FGFR1OP2: variants seen among roughly 807,000 people sequenced by gnomAD.
FGFR1OP2 encodes the protein FGFR1 oncogene partner 2.
Under a neutral mutation model 35.2 loss-of-function variants are expected in FGFR1OP2, and 17 were observed. The ratio of observed to expected loss-of-function variants is 0.48; its 90% CI spans 0.33 to 0.73. The LOEUF (loss-of-function observed/expected upper bound fraction) is 0.73, where lower values mean the gene tolerates loss of function less well. Ranked by LOEUF, FGFR1OP2 falls within the 30% of genes least tolerant of loss-of-function variation. The pLI is 0.02. For synonymous variants in FGFR1OP2, 105 were observed against 104.6 expected (o/e 1.00, Z -0.03); for missense variants, 251 against 307.3 (o/e 0.82, Z 1.37).
intron 1 of FGFR1OP2, among the ~76,000 whole-genome samples, chr12:26,943,563 A>G (rs1938771302): frequency 6.6e-6 from 1 of 152,094 alleles, no homozygotes; most frequent in Admixed American, 6.5e-5. Context: ...AGTGGCTCAC[A>G]CCTGTAATCC....
chr12:26,959,842 T>C (rs1314067497), intron 4 of FGFR1OP2, among the ~76,000 whole-genome samples: 2 of 152,078 alleles, frequency 1.3e-5, no homozygotes, highest in Non-Finnish European at 2.9e-5. Flanking sequence ...GGGTTAGTTA[T>C]GGGAAATAAT....
rs1939060736 is a variant in FGFR1OP2 at position 26,958,743 on chromosome 12, A to AT, written c.396+1004dup. Among the ~76,000 whole-genome samples the AT allele has an allele frequency of 2.0e-5, 3 of 152,292 alleles. 1 individual carries two copies. Among genetic ancestry groups the AT allele is most frequent in the African/African-American group, 7.2e-5 (3 of 41,558 alleles). ...GGTATGTCCCCATATTTTATGGCAT[A>AT]TTTTATGGCAACTGCTATGAAGACA... On this transcript the variant is annotated intron_variant, in intron 4 of 6. Coordinates refer to ENST00000229395, the MANE Select transcript of FGFR1OP2 (RefSeq NM_015633.3).
At chr12:26,943,686 G>A (rs775714598) in intron 1 of FGFR1OP2, among the ~76,000 whole-genome samples, 16 of 152,098 alleles carry the variant, frequency 1.1e-4, no homozygotes, top group Non-Finnish European at 2.1e-4. Context: ...TTAGCTGGGC[G>A]TGGTGGCGCA....
intron 1 of FGFR1OP2, among the ~76,000 whole-genome samples, chr12:26,949,583 G>C (rs952933850): frequency 6.6e-6 from 1 of 150,970 alleles, no homozygotes; most frequent in African/African-American, 2.4e-5. Flanking sequence ...TCTGTTTGAG[G>C]TTTTTTTTGT....
intron 1 of FGFR1OP2, 139 bp from the exon 2 acceptor site, chr12:26,954,006 C>A: frequency 3.9e-6 from 2 of 508,686 alleles, no homozygotes; most frequent in African/African-American, 2.0e-5. Flanking sequence ...CCACAGTGTT[C>A]TTAGGTGTTT....
chr12:26,946,591 C>T (rs1938825820), intron 1 of FGFR1OP2, among the ~76,000 whole-genome samples: 2 of 152,282 alleles, frequency 1.3e-5, no homozygotes, highest in Admixed American at 6.5e-5. Flanking sequence ...ATTATATGGG[C>T]GTGGGCCACT....
At chr12:26,949,609 G>A (rs980356469) in intron 1 of FGFR1OP2, among the ~76,000 whole-genome samples, 16 of 151,682 alleles carry the variant, frequency 1.1e-4, no homozygotes, top group African/African-American at 3.9e-4. Flanking sequence ...ACAGAGTTTT[G>A]CTCTTGTTGC....
At chr12:26,954,349 T>C in intron 2 of FGFR1OP2, 56 bp downstream of exon 2, 3 of 1,534,056 alleles carry the variant, frequency 2.0e-6, no homozygotes, top group Non-Finnish European at 2.6e-6. Flanking sequence ...TTGACATTTA[T>C]GTATTGCTGG....
chr12:26,938,954 C>T (rs1162095853), intron 1 of FGFR1OP2, among the ~76,000 whole-genome samples: 2 of 152,226 alleles, frequency 1.3e-5, no homozygotes, highest in Non-Finnish European at 2.9e-5. Context: ...TTGGCTCTAA[C>T]CCTGTGGACA....
In FGFR1OP2 at chr12:26,963,583, A is replaced by G. The variant is rs371948627; in HGVS notation, c.624+128A>G. The G allele has an allele frequency of 2.6e-5, 15 of 566,220 alleles. 1 individual carries two copies. Among genetic ancestry groups the G allele is most frequent in the African/African-American group, 1.7e-4 (9 of 52,256 alleles). 35.1% of individuals were successfully genotyped at this position (566,220 alleles called of 1,614,324 possible). On this transcript the variant is annotated intron_variant, in intron 6 of 6. Transcript: ENST00000229395. ...GGTAATGTTCTCCTGGATGCTGTCT[A>G]TGTGGGCATATTATGCAAGACCATT...
Position 26,965,393 on chromosome 12 carries a change from A to G in FGFR1OP2, c.*660A>G, listed in dbSNP as rs745852693. On this transcript the variant is annotated 3_prime_UTR_variant, in exon 7 of 7. Coordinates refer to ENST00000229395, the MANE Select transcript of FGFR1OP2 (RefSeq NM_015633.3). ...TCAGGAATGAAAAAGAAGGAATACTACTTTCTAAGAAAGAAGATCTTATAA... is the reference window on the plus strand; with the variant it reads ...TCAGGAATGAAAAAGAAGGAATACTGCTTTCTAAGAAAGAAGATCTTATAA... 2.6e-5 allele frequency: 4 copies of G among 152,590 alleles called. No homozygotes were observed. The highest frequency in any genetic ancestry group is 5.9e-5 in the Non-Finnish European group (4 of 67,978). The allele number at this position is 152,590 out of a possible 1,614,324, so 9.5% of individuals were successfully genotyped here. A position where few individuals can be genotyped will look rare whatever the true frequency, so the allele number is the denominator to read the frequency against.
chr12:26,938,889 C>G (rs1054020598), intron 1 of FGFR1OP2, among the ~76,000 whole-genome samples, 179 bp downstream of exon 1: 3 of 152,134 alleles, frequency 2.0e-5, no homozygotes, highest in African/African-American at 7.2e-5. Flanking sequence ...TCCGCGCCCC[C>G]CGACTCCGAG....
At chr12:26,961,765 G>A (rs140620818) in intron 5 of FGFR1OP2, 2 of 152,322 alleles carry the variant, frequency 1.3e-5, no homozygotes, top group East Asian at 3.9e-4. Context: ...TGCTTTCTGT[G>A]TAGTTTTTTA....
At chr12:26,939,870 G>A (rs1938697364) in intron 1 of FGFR1OP2, among the ~76,000 whole-genome samples, 1 of 152,176 alleles carries the variant, frequency 6.6e-6, no homozygotes, top group Non-Finnish European at 1.5e-5. Context: ...CACCGTAAGA[G>A]TTCTTCATCC....
chr12:26,950,213 G>GTTGTT (rs1938898866), intron 1 of FGFR1OP2, among the ~76,000 whole-genome samples: 2 of 50,934 alleles, frequency 3.9e-5, no homozygotes, highest in African/African-American at 1.6e-4. Flanking sequence ...TGTATTCGTT[G>GTTGTT]TTTTTTTTTT....
In FGFR1OP2 at chr12:26,938,556, T is replaced by TTCCGTCCGCTGCC. The variant is rs1454678780; in HGVS notation, c.-160_-148dup. 6.6e-6 allele frequency: 1 copy of TTCCGTCCGCTGCC among 152,326 alleles called. No homozygotes were observed. The highest frequency in any genetic ancestry group is 2.4e-5 in the African/African-American group (1 of 41,456). The allele number at this position is 152,326 out of a possible 1,614,324, so 9.4% of individuals were successfully genotyped here. ...GTTGAACGCCACTGGCTTCCCGGCC[T>TTCCGTCCGCTGCC]TCCGTCCGCTGCCTCCGTCCGATTC... On this transcript the variant is annotated 5_prime_UTR_variant, in exon 1 of 7. It removes the in-frame stop codon of an upstream open reading frame in the 5' UTR. Transcript: ENST00000229395.
At position 26,938,726 on chromosome 12, in the gene FGFR1OP2, C is replaced by T. The variant is rs1324784576; in HGVS notation, c.-15+16C>T. 3 of 152,356 alleles carry T rather than the reference C, an allele frequency of 2.0e-5. No homozygotes were observed. The highest frequency in any genetic ancestry group is 2.9e-5 in the Non-Finnish European group (2 of 68,186). 9.4% of individuals were successfully genotyped at this position (152,356 alleles called of 1,614,324 possible). ...TAAGAGCAGAGTAAGTGGACTAAATCCAGGGACGGGAGCAGGGGTGGGCGA... is the reference window on the plus strand; with the variant it reads ...TAAGAGCAGAGTAAGTGGACTAAATTCAGGGACGGGAGCAGGGGTGGGCGA... On this transcript the variant is annotated intron_variant, in intron 1 of 6. Coordinates refer to ENST00000229395, the MANE Select transcript of FGFR1OP2 (RefSeq NM_015633.3).
intron 1 of FGFR1OP2, among the ~76,000 whole-genome samples, chr12:26,949,693 C>T (rs1395600870): frequency 2.0e-5 from 3 of 152,142 alleles, no homozygotes; most frequent in Non-Finnish European, 4.4e-5. Flanking sequence ...ATTCTCCTGT[C>T]TCAGCTTCCC....
chr12:26,952,107 T>A (rs11048784), intron 1 of FGFR1OP2, among the ~76,000 whole-genome samples: 5 of 124,674 alleles, frequency 4.0e-5, no homozygotes, highest in African/African-American at 9.2e-5. Flanking sequence ...TTTTTTTTTT[T>A]AATTTTGCTT....
Sources: allele counts gnomAD v4.1 joint callset (sites outside exome capture counted in the v4.1 genomes callset), GRCh38; gene constraint gnomAD v4.1.1; transcripts MANE v1.5; gene names NCBI Gene and HGNC (gene_info 2026-07-23, HGNC 2026-07-21).